Variants in MEGF8 observed in about 807,000 individuals in gnomAD.
MEGF8 encodes the protein multiple EGF like domains 8.
MEGF8 carries 156 observed loss-of-function variants against 302.9 expected under a neutral mutation model. That is an observed-to-expected ratio of 0.52 (90% confidence interval 0.45 to 0.59). The LOEUF (loss-of-function observed/expected upper bound fraction) is 0.59, where lower values mean the gene tolerates loss of function less well. Ranked by LOEUF, MEGF8 falls within the 20% of genes least tolerant of loss-of-function variation. The pLI is 0.00. For missense variants in MEGF8, 3,345 were observed against 3,964.5 expected, an observed-to-expected ratio of 0.84 and a Z score of 4.20; for synonymous variants, 1,621 against 1,660.5, an observed-to-expected ratio of 0.98 and a Z score of 0.58.
rs951194296 is a variant in MEGF8 at position 42,357,604 on chromosome 19, G to C, written c.5011+20G>C. Reference sequence around the variant, plus strand: ...CCACAGGTGGGGCTGGGGACCGGGAGGGGACAGCCCCCGTGGACCTCCCGG... The same window carrying C: ...CCACAGGTGGGGCTGGGGACCGGGACGGGACAGCCCCCGTGGACCTCCCGG... On this transcript the variant is annotated intron_variant, in intron 28 of 41. Coordinates refer to ENST00000251268, the MANE Select transcript of MEGF8 (RefSeq NM_001271938.2). This position sits in a 1 kb window ranked among gnomAD's most constrained non-coding sequence, Gnocchi z 5.2. 1.9e-6 allele frequency: 3 copies of C among 1,570,852 alleles called. No homozygotes were observed.
At chr19:42,332,828 A>C (rs1294140520) in intron 1 of MEGF8, among the ~76,000 whole-genome samples, 2 of 152,198 alleles carry the variant, frequency 1.3e-5, no homozygotes, top group Non-Finnish European at 2.9e-5. Flanking sequence ...CCCAGATACG[A>C]GAGGCAGGGA....
rs765434232 is a variant in MEGF8, at chr19:42,355,742, G to A, written c.4145-16G>A. On this transcript the variant is annotated splice_polypyrimidine_tract_variant and intron_variant, in intron 23 of 41. Transcript: ENST00000251268. Reference sequence around the variant, plus strand: ...AACGTGACTTTGCTACCAGCCTCTGGCCTCTCTCTTCACAGGGCTGCTCGT... The same window carrying A: ...AACGTGACTTTGCTACCAGCCTCTGACCTCTCTCTTCACAGGGCTGCTCGT... 13 of 1,556,424 alleles carry A rather than the reference G, an allele frequency of 8.4e-6. No individual in the cohort carries two copies. Among genetic ancestry groups the A allele is most frequent in the Non-Finnish European group, 1.1e-5 (13 of 1,145,534 alleles).
rs199681302 is a variant in MEGF8, at chr19:42,376,376, C to T, written c.8139C>T (p.Ser2713=). The T allele has an allele frequency of 9.8e-4, 1,581 of 1,613,292 alleles. 16 individuals are homozygous for T. In the South Asian group the frequency reaches 0.014, roughly 14 times the overall value. Residue 2713 remains serine (S), a synonymous_variant, in exon 42 of 42, where the codon TCC becomes TCT. Transcript: ENST00000251268. This position sits in a 1 kb window ranked among gnomAD's most constrained non-coding sequence, Gnocchi z 8.2. Reference sequence around the variant, plus strand: ...CACCTGACCCTACTGCCCCGGCCTCCGCCTGGAAGCCGGCTGGGCTCCCAC... The same window carrying T: ...CACCTGACCCTACTGCCCCGGCCTCTGCCTGGAAGCCGGCTGGGCTCCCAC... ...CFPPDPTAPA[S]AWKPAGLPPP... is the part of the protein sequence containing the mutation.
chr19:42,368,810 G>A lies in MEGF8; in HGVS notation c.6482-33G>A. 6.2e-7 allele frequency: 1 copy of A among 1,605,492 alleles called. No individual in the cohort carries two copies. Among genetic ancestry groups the A allele is most frequent in the Non-Finnish European group, 8.5e-7 (1 of 1,175,384 alleles). On this transcript the variant is annotated intron_variant, in intron 36 of 41. Coordinates refer to ENST00000251268, the MANE Select transcript of MEGF8 (RefSeq NM_001271938.2). This position sits in a 1 kb window ranked among gnomAD's most constrained non-coding sequence, Gnocchi z 4.9. The stretch of plus-strand genomic sequence containing the variant: ...AGGCAACTGGGGCAGGTGGTACAGA[G>A]GTCCAGGTAAAATGCTATATCCCCG...
intron 35 of MEGF8, among the ~76,000 whole-genome samples, chr19:42,364,501 T>C (rs1405217686): frequency 6.6e-6 from 1 of 151,874 alleles, no homozygotes; most frequent in Non-Finnish European, 1.5e-5. Context: ...AGTGCAGGGA[T>C]GTGGGACACT....
chr19:42,326,091 C>T lies in MEGF8; in HGVS notation c.-153C>T. 1 of 1,277,248 alleles carries T rather than the reference C, an allele frequency of 7.8e-7. No homozygotes were observed. Among genetic ancestry groups the T allele is most frequent in the South Asian group, 2.0e-5 (1 of 49,578 alleles). The allele number at this position is 1,277,248 out of a possible 1,614,324, so 79.1% of individuals were successfully genotyped here. On this transcript the variant is annotated 5_prime_UTR_variant, in exon 1 of 42. Transcript: ENST00000251268. ...GCCTGTCAGCAGTGGCCGTACCCTT[C>T]GCCGGGACTGCCGGGTCTCCGGGAC...
intron 12 of MEGF8, among the ~76,000 whole-genome samples, chr19:42,346,984 CA>C (rs767117534): frequency 0.11 from 5,246 of 49,890 alleles, 38 homozygotes; most frequent in South Asian, 0.22. Context: ...GACTCTGTCT[CA>C]AAAAAAAAAA....
chr19:42,340,904 G>A (rs1017227753), intron 8 of MEGF8, among the ~76,000 whole-genome samples: 2 of 151,934 alleles, frequency 1.3e-5, no homozygotes, highest in African/African-American at 4.8e-5. Flanking sequence ...CTGACCTTAA[G>A]TAATCTGCCT....
chr19:42,351,501 C>T lies in MEGF8; in HGVS notation c.2928C>T (p.Phe976=). The T allele has an allele frequency of 6.2e-7, 1 of 1,607,176 alleles. No homozygotes were observed. The highest frequency in any genetic ancestry group is 8.5e-7 in the Non-Finnish European group (1 of 1,177,232). ...GGTGCCAGTCCACCCACACCTGCTT[C>T]CTGTTTGCTGCCTACTTGGCCCGGT... ...CAWCQSTHTC[F]LFAAYLARYP... Residue 976 remains phenylalanine (F), a synonymous_variant, in exon 17 of 42, where the codon TTC becomes TTT. Transcript: ENST00000251268. This position sits in a 1 kb window ranked among gnomAD's most constrained non-coding sequence, Gnocchi z 5.6.
rs575383298 is a variant in MEGF8, at chr19:42,350,186, G to A, written c.2538G>A (p.Ser846=). 1.6e-5 allele frequency: 26 copies of A among 1,613,662 alleles called. No homozygotes were observed. Among genetic ancestry groups the A allele is most frequent in the South Asian group, 7.7e-5 (7 of 91,060 alleles). The change falls in exon 15 of 42, where the codon TCG becomes TCA. Residue 846 remains serine, a synonymous_variant. Transcript: ENST00000251268. ...SFFFLEPYRS[S]SCTSYSSCLG... is the part of the protein sequence containing the mutation. ...TCTTCCTGGAGCCCTACCGCTCGTC[G>A]TCCTGCACCTCCTATTCTTCCTGCC... is the stretch of plus-strand genomic sequence containing the variant.
At position 42,352,498 on chromosome 19, in the gene MEGF8, TG is replaced by T. The variant is rs1294138493; in HGVS notation, c.3350+46del. 3 of 1,535,894 alleles carry T rather than the reference TG, an allele frequency of 2.0e-6. No individual in the cohort carries two copies. The African/African-American group carries it at 4.1e-5, about 21-fold the overall frequency. Reference sequence around the variant, plus strand: ...TTGCTATGGAGATGTTGCCCCAGGCTGGGGCACATGGAGGTGGAGGGAGGAA... The same window carrying T: ...TTGCTATGGAGATGTTGCCCCAGGCTGGGCACATGGAGGTGGAGGGAGGAA... On this transcript the variant is annotated intron_variant, in intron 19 of 41. Coordinates refer to ENST00000251268, the MANE Select transcript of MEGF8 (RefSeq NM_001271938.2). This position sits in a 1 kb window ranked among gnomAD's most constrained non-coding sequence, Gnocchi z 4.4.
At chr19:42,355,681 G>A in intron 23 of MEGF8, 77 bp from the exon 24 acceptor site, 13 of 1,472,598 alleles carry the variant, frequency 8.8e-6, no homozygotes, top group Non-Finnish European at 1.2e-5. Context: ...CAGTCACACT[G>A]GGTTTTCTTA....
chr19:42,331,289 G>T (rs2039051008), intron 1 of MEGF8, among the ~76,000 whole-genome samples: 1 of 152,220 alleles, frequency 6.6e-6, no homozygotes, highest in African/African-American at 2.4e-5. Flanking sequence ...AGTGGTGGCT[G>T]AGTGTCTCCA....
chr19:42,340,964 G>A (rs1457617312), intron 8 of MEGF8, among the ~76,000 whole-genome samples: 5 of 151,854 alleles, frequency 3.3e-5, no homozygotes, highest in Non-Finnish European at 7.4e-5. Context: ...CACCACGCCC[G>A]GCCTATTGTT....
At chr19:42,327,384 A>G (rs2038998536) in intron 1 of MEGF8, among the ~76,000 whole-genome samples, 1 of 152,196 alleles carries the variant, frequency 6.6e-6, no homozygotes, top group Non-Finnish European at 1.5e-5. Context: ...TTGATGGAGG[A>G]ACCCCAGAGG....
At position 42,375,937 on chromosome 19, in the gene MEGF8, G is replaced by C; in HGVS notation, c.7700G>C (p.Arg2567Pro). The C allele has an allele frequency of 1.9e-6, 3 of 1,604,082 alleles. No individual in the cohort carries two copies. The highest frequency in any genetic ancestry group is 2.6e-6 in the Non-Finnish European group (3 of 1,175,564). The change falls in exon 42 of 42, where the codon CGG (arginine) becomes CCG (proline). Residue 2567 changes from arginine to proline, a missense_variant. Physicochemically the swap from Arg to Pro is moderately radical, Grantham distance 103. Transcript: ENST00000251268. The surrounding 1 kb of genome is among the most constrained non-coding windows in gnomAD (Gnocchi z 7.1). The stretch of plus-strand genomic sequence containing the variant: ...GGCGCCCCAGCAGAGCCACGGGTAC[G>C]GGAGGTATGGCCGCGGGGCCTGATT... Reference protein sequence around the residue: ...GPGAPAEPRVREVWPRGLITY... With the variant: ...GPGAPAEPRVPEVWPRGLITY...
rs2039656542 is a variant in MEGF8 at position 42,369,577 on chromosome 19, G to A, written c.6688G>A (p.Gly2230Ser). The A allele has an allele frequency of 1.2e-6, 2 of 1,611,822 alleles. No individual in the cohort carries two copies. Among genetic ancestry groups the A allele is most frequent in the African/African-American group, 1.3e-5 (1 of 74,922 alleles). The change falls in exon 38 of 42, where the codon GGC becomes AGC. Residue 2230 changes from glycine to serine, a missense_variant. Transcript: ENST00000251268. The surrounding 1 kb of genome is among the most constrained non-coding windows in gnomAD (Gnocchi z 5.7). ...RPVCAQGCVN[G>S]SCVEPDHCRC... ...TGTGTGCGCCCAGGGCTGCGTGAAC[G>A]GCTCATGTGTGGAGCCCGACCACTG...
rs777929046 is a variant in MEGF8, at chr19:42,375,708, C to T, written c.7471C>T (p.Leu2491=). 1.9e-6 allele frequency: 3 copies of T among 1,611,618 alleles called. No homozygotes were observed. In the East Asian group the frequency reaches 6.7e-5, roughly 36 times the overall value. The change falls in exon 42 of 42, where the codon CTG becomes TTG. Residue 2491 remains leucine, a synonymous_variant. Transcript: ENST00000251268. This position sits in a 1 kb window ranked among gnomAD's most constrained non-coding sequence, Gnocchi z 7.1. ...QPKFTNVDIR[L]TLDVTFGAVD... is the part of the protein sequence containing the mutation. Reference sequence around the variant, plus strand: ...CAAATTCACCAACGTGGACATCCGCCTGACGCTGGACGTGACCTTCGGGGC... The same window carrying T: ...CAAATTCACCAACGTGGACATCCGCTTGACGCTGGACGTGACCTTCGGGGC...
In MEGF8 at chr19:42,336,441, C is replaced by T. The variant is rs939179574; in HGVS notation, c.1244+95C>T. Reference sequence around the variant, plus strand: ...TTAGAGGTCTTTGCCCACTGTCGGACTCCTGTGGTCTCTCAGTCACTCCTT... The same window carrying T: ...TTAGAGGTCTTTGCCCACTGTCGGATTCCTGTGGTCTCTCAGTCACTCCTT... On this transcript the variant is annotated intron_variant, in intron 6 of 41. Coordinates refer to ENST00000251268, the MANE Select transcript of MEGF8 (RefSeq NM_001271938.2). This position sits in a 1 kb window ranked among gnomAD's most constrained non-coding sequence, Gnocchi z 4.8. 8.8e-6 allele frequency: 11 copies of T among 1,252,934 alleles called. No individual in the cohort carries two copies. The highest frequency in any genetic ancestry group is 3.0e-5 in the African/African-American group (2 of 66,192). 77.6% of individuals were successfully genotyped at this position (1,252,934 alleles called of 1,614,324 possible).
Sources: gnomAD v4.1 joint callset for allele counts (sites outside exome capture counted in the v4.1 genomes callset) on GRCh38, gnomAD v4.1.1 for gene constraint, Gnocchi (gnomAD v3.1) non-coding constraint, MANE v1.5 for transcripts, NCBI Gene and HGNC (gene_info 2026-07-23, HGNC 2026-07-21) for gene names.